Variants in CRB1 observed in about 807,000 individuals in gnomAD.
CRB1 encodes the protein crumbs cell polarity complex component 1.
A neutral mutation model predicts 120.0 loss-of-function variants in CRB1; 83 were observed. The observed-to-expected ratio is 0.69, with a 90% confidence interval of 0.58 to 0.83. The LOEUF (loss-of-function observed/expected upper bound fraction) is 0.83. CRB1 is among the 40% of genes least tolerant of loss of function. The pLI is 0.00. For missense variants in CRB1, 1,699 were observed against 1,687.6 expected (o/e 1.01, Z -0.12); for synonymous variants, 625 against 612.5 (o/e 1.02, Z -0.30).
intron 5 of CRB1, among the ~76,000 whole-genome samples, chr1:197,375,073 C>T (rs1329543922): frequency 6.6e-6 from 1 of 152,184 alleles, no homozygotes; most frequent in Non-Finnish European, 1.5e-5. Context: ...AGGCTCTTAA[C>T]ATTTTTCTTC....
chr1:197,385,544 C>T (rs978552093), intron 5 of CRB1, among the ~76,000 whole-genome samples: 2 of 152,010 alleles, frequency 1.3e-5, no homozygotes, highest in Admixed American at 1.3e-4. Context: ...TTCAATAGTA[C>T]AAGTGATATA....
intron 4 of CRB1, among the ~76,000 whole-genome samples, chr1:197,351,526 C>T (rs951855029): frequency 7.9e-5 from 12 of 152,140 alleles, no homozygotes; most frequent in Non-Finnish European, 1.2e-4. Context: ...GATCACAAAA[C>T]TCCATATCTG....
At chr1:197,316,254 G>A (rs1657831501) in intron 1 of CRB1, among the ~76,000 whole-genome samples, 1 of 151,626 alleles carries the variant, frequency 6.6e-6, no homozygotes, top group South Asian at 2.1e-4. Context: ...GCATGATCTT[G>A]GCTCACTGCA....
At chr1:197,448,328 T>A (rs1665800743) in intron 11 of CRB1, among the ~76,000 whole-genome samples, 1 of 152,198 alleles carries the variant, frequency 6.6e-6, no homozygotes. Flanking sequence ...TAAATGCCCC[T>A]GACTACAGTC....
intron 3 of CRB1, 107 bp downstream of exon 3, chr1:197,344,583 G>T (rs150024293): frequency 3.7e-6 from 4 of 1,067,362 alleles, no homozygotes; most frequent in Non-Finnish European, 5.8e-6. Flanking sequence ...TAAAATTTGG[G>T]GTGTAACTTT....
chr1:197,399,274 ATTAGT>A (rs1189703282), intron 5 of CRB1, among the ~76,000 whole-genome samples: 1 of 152,062 alleles, frequency 6.6e-6, no homozygotes, highest in Non-Finnish European at 1.5e-5. Context: ...GCAACTGTTG[ATTAGT>A]TTAGTTGTCA....
intron 11 of CRB1, chr1:197,443,806 T>TA (rs149997005): frequency 5.3e-5 from 8 of 151,908 alleles, no homozygotes; most frequent in African/African-American, 1.9e-4. Flanking sequence ...AATAATAATT[T>TA]AAAAAAACTT....
the CRB1 span, among the ~76,000 whole-genome samples, chr1:197,251,170 G>A: frequency 6.6e-6 from 1 of 152,016 alleles, no homozygotes; most frequent in Non-Finnish European, 1.5e-5. Flanking sequence ...CCCACAAGCT[G>A]TGAAAATTGT....
chr1:197,222,597 A>G, the CRB1 span: 3 of 770,866 alleles, frequency 3.9e-6, no homozygotes, highest in Non-Finnish European at 7.3e-6. Context: ...GTTGGCTCCT[A>G]GTGAGGAAAG....
chr1:197,435,247 C>A lies in CRB1; in HGVS notation c.3384C>A (p.Ile1128=), dbSNP rs2125500314. The change falls in exon 9 of 12, where the codon ATC becomes ATA. Residue 1128 remains isoleucine (I), a synonymous_variant. Transcript: ENST00000367400. ...NKPQEEQFLK[I]STNSVVTGCL... The stretch of plus-strand genomic sequence containing the variant: ...CTCAGGAAGAGCAATTTCTCAAAAT[C>A]TCTACCAATTCAGTGGTCACTGGCT... 4 of 1,613,896 alleles carry A rather than the reference C, an allele frequency of 2.5e-6. No homozygotes were observed. The highest frequency in any genetic ancestry group is 2.5e-6 in the Non-Finnish European group (3 of 1,179,876).
At chr1:197,452,165 G>A (rs961262222) in intron 11 of CRB1, among the ~76,000 whole-genome samples, 1 of 152,038 alleles carries the variant, frequency 6.6e-6, no homozygotes, top group African/African-American at 2.4e-5. Context: ...CAAGTATCCC[G>A]GTCTGTCAAC....
At chr1:197,293,434 C>T (rs1443085413) in intron 1 of CRB1, among the ~76,000 whole-genome samples, 1 of 152,122 alleles carries the variant, frequency 6.6e-6, no homozygotes, top group African/African-American at 2.4e-5. Flanking sequence ...AATGAAAGAA[C>T]ATTCCATGCT....
At chr1:197,378,560 G>T (rs1305465588) in intron 5 of CRB1, among the ~76,000 whole-genome samples, 1 of 152,050 alleles carries the variant, frequency 6.6e-6, no homozygotes, top group Non-Finnish European at 1.5e-5. Context: ...TACTTTTGAT[G>T]CCTCTAAGAT....
chr1:197,312,624 T>C (rs763814465), intron 1 of CRB1, among the ~76,000 whole-genome samples: 1 of 151,996 alleles, frequency 6.6e-6, no homozygotes, highest in African/African-American at 2.4e-5. Flanking sequence ...AAAAACAATC[T>C]GTTAAGATAG....
At chr1:197,378,911 G>A (rs1661790312) in intron 5 of CRB1, among the ~76,000 whole-genome samples, 1 of 152,198 alleles carries the variant, frequency 6.6e-6, no homozygotes, top group Non-Finnish European at 1.5e-5. Context: ...CCCAGAGCAA[G>A]AGCATGGTTA....
intron 11 of CRB1, among the ~76,000 whole-genome samples, chr1:197,461,737 G>A (rs1268225231): frequency 1.3e-5 from 2 of 152,112 alleles, no homozygotes; most frequent in East Asian, 3.8e-4. Flanking sequence ...ACATGAATCT[G>A]TAGAGCTTTC....
intron 1 of CRB1, among the ~76,000 whole-genome samples, chr1:197,272,038 A>G (rs1349507891): frequency 6.6e-6 from 1 of 152,186 alleles, no homozygotes; most frequent in East Asian, 1.9e-4. Context: ...ATTGATTTGA[A>G]TGGCATTATT....
At chr1:197,301,354 C>A (rs778944757) in intron 1 of CRB1, among the ~76,000 whole-genome samples, 4 of 151,910 alleles carry the variant, frequency 2.6e-5, no homozygotes, top group African/African-American at 9.7e-5. Context: ...TTAGTAGAGA[C>A]GGGGTTTCAC....
intron 1 of CRB1, among the ~76,000 whole-genome samples, chr1:197,275,404 TAGTA>T (rs949485338): frequency 3.3e-5 from 5 of 152,098 alleles, no homozygotes; most frequent in Admixed American, 2.6e-4. Flanking sequence ...TTTTTAAACA[TAGTA>T]AGTGCTTGGT....
Sources: gnomAD v4.1 joint callset for allele counts (sites outside exome capture counted in the v4.1 genomes callset) on GRCh38, gnomAD v4.1.1 for gene constraint, MANE v1.5 for transcripts, NCBI Gene and HGNC (gene_info 2026-07-23, HGNC 2026-07-21) for gene names.